The following MME variants were observed in gnomAD, a reference collection of about 807,000 sequenced individuals.
The protein encoded by MME is membrane metalloendopeptidase, also known as neprilysin.
In MME, 98 loss-of-function variants were observed where a neutral mutation model predicts 113.2. The ratio of observed to expected loss-of-function variants is 0.87; its 90% CI spans 0.74 to 1.02. MME has a LOEUF of 1.02. Ranked by LOEUF, MME falls within the 50% of genes least tolerant of loss-of-function variation. The probability of loss-of-function intolerance (pLI) is 0.00; values close to 1 mark genes in which losing one functional copy is unlikely to be tolerated. For synonymous variants in MME, 292 were observed against 300.6 expected (o/e 0.97, Z 0.30); for missense variants, 836 against 896.0 (o/e 0.93, Z 0.86).
At chr3:155,072,095 AGCTTGCAGT>A (rs1020937326) in intron 1 of MME, among the ~76,000 whole-genome samples, 1 of 138,966 alleles carries the variant, frequency 7.2e-6, no homozygotes, top group Non-Finnish European at 1.5e-5. Flanking sequence ...CGGGAAGCGG[AGCTTGCAGT>A]GAGCCGAGAT....
intron 3 of MME, among the ~76,000 whole-genome samples, chr3:155,101,260 C>G (rs958379154): frequency 6.6e-6 from 1 of 152,238 alleles, no homozygotes; most frequent in Non-Finnish European, 1.5e-5. Context: ...ATTACTCAGT[C>G]TCAGGCATTT....
In MME at chr3:155,182,044, GC is replaced by G. The variant is rs781298137; in HGVS notation, c.*1586del. 1.3e-5 allele frequency: 2 copies of G among 152,290 alleles called. No individual in the cohort carries two copies. The highest frequency in any genetic ancestry group is 2.9e-5 in the Non-Finnish European group (2 of 68,020). The allele number at this position is 152,290 out of a possible 1,614,324, so 9.4% of individuals were successfully genotyped here. ...GTAGCCAGCACCTGTAAGAAACAGA[GC>G]AGTACCAGCGCTCTAAAAGCACCTC... On this transcript the variant is annotated 3_prime_UTR_variant, in exon 23 of 23. Transcript: ENST00000360490.
chr3:155,060,775 T>C (rs960183152), intron 1 of MME, among the ~76,000 whole-genome samples: 1 of 151,998 alleles, frequency 6.6e-6, no homozygotes, highest in Admixed American at 6.6e-5. Flanking sequence ...TGAGGGCCCT[T>C]TTTTCCTGTT....
intron 1 of MME, among the ~76,000 whole-genome samples, chr3:155,026,810 T>G (rs1328986892): frequency 6.6e-6 from 1 of 151,958 alleles, no homozygotes; most frequent in African/African-American, 2.4e-5. Context: ...AGTATCTGAG[T>G]GTGATTCTTC....
rs140981242 is a variant in MME, at chr3:155,167,541, C to T, written c.1780+520C>T. 5.8e-3 allele frequency among the ~76,000 whole-genome samples: 880 copies of T among 151,968 alleles called. 12 individuals carry two copies. Among genetic ancestry groups the T allele is most frequent in the African/African-American group, 0.02 (845 of 41,452 alleles). On this transcript the variant is annotated intron_variant, in intron 18 of 22. Transcript: ENST00000360490. ...AAATGGAAAAATCAATTTAGAGTTTCAATCAAAGCTGAATTCCTGAGAGGA... is the reference window on the plus strand; with the variant it reads ...AAATGGAAAAATCAATTTAGAGTTTTAATCAAAGCTGAATTCCTGAGAGGA...
chr3:155,171,245 C>A (rs1294018512), intron 20 of MME, among the ~76,000 whole-genome samples: 1 of 152,154 alleles, frequency 6.6e-6, no homozygotes, highest in Non-Finnish European at 1.5e-5. Context: ...GCCTTGCCCC[C>A]CTGCTAGATT....
At position 155,180,547 on chromosome 3, in the gene MME, G is replaced by A; in HGVS notation, c.*88G>A. ...TCTAATCGAAAGAAAATGGGCCCTA[G>A]GGGTCACTGTACTGACTTGAGGGTG... is the stretch of plus-strand genomic sequence containing the variant. On this transcript the variant is annotated 3_prime_UTR_variant, in exon 23 of 23. Transcript: ENST00000360490. 1 of 938,734 alleles carries A rather than the reference G, an allele frequency of 1.1e-6. No individual in the cohort carries two copies. Among genetic ancestry groups the A allele is most frequent in the Non-Finnish European group, 1.8e-6 (1 of 567,206 alleles). The allele number at this position is 938,734 out of a possible 1,614,324, so 58.2% of individuals were successfully genotyped here.
At chr3:155,133,448 A>T (rs1464779940) in intron 8 of MME, among the ~76,000 whole-genome samples, 2 of 151,656 alleles carry the variant, frequency 1.3e-5, no homozygotes, top group Non-Finnish European at 2.9e-5. Context: ...GCATCATCCA[A>T]AGTTCTTGTG....
intron 1 of MME, among the ~76,000 whole-genome samples, chr3:155,048,122 G>T (rs73874479): frequency 0.053 from 8,074 of 152,138 alleles, 627 homozygotes; most frequent in African/African-American, 0.17. Context: ...GTGCTAATTT[G>T]GTCTGACTTG....
rs1711600690 is a variant in MME, at chr3:155,168,846, C to A, written c.1980+49C>A. 4 of 1,470,688 alleles carry A rather than the reference C, an allele frequency of 2.7e-6. No individual in the cohort carries two copies. In the South Asian group the frequency reaches 3.5e-5, roughly 13 times the overall value. The allele number at this position is 1,470,688 out of a possible 1,614,324, so 91.1% of individuals were successfully genotyped here. A position where few individuals can be genotyped will look rare whatever the true frequency, so the allele number is the denominator to read the frequency against. On this transcript the variant is annotated intron_variant, in intron 20 of 22. Transcript: ENST00000360490. ...CATTTTAGTGATTTAGAGTGTTTCTCATATTTAATAATTCATTTAAAACCT... is the reference window on the plus strand; with the variant it reads ...CATTTTAGTGATTTAGAGTGTTTCTAATATTTAATAATTCATTTAAAACCT...
intron 1 of MME, among the ~76,000 whole-genome samples, chr3:155,025,623 CAA>C (rs565613508): frequency 2.6e-4 from 19 of 73,940 alleles, no homozygotes; most frequent in Admixed American, 4.8e-4. Flanking sequence ...GACCCTGTCT[CAA>C]AAAAAAAAAA....
intron 3 of MME, among the ~76,000 whole-genome samples, chr3:155,094,662 C>T (rs1716578052): frequency 6.6e-6 from 1 of 152,174 alleles, no homozygotes; most frequent in African/African-American, 2.4e-5. Flanking sequence ...TTGCTGTGCT[C>T]TGTCTTAGTA....
intron 17 of MME, among the ~76,000 whole-genome samples, chr3:155,164,117 C>T (rs1323195310): frequency 6.8e-6 from 1 of 147,162 alleles, no homozygotes; most frequent in Non-Finnish European, 1.5e-5. Context: ...GCACTTCAGC[C>T]TGGGTGACAG....
At chr3:155,095,458 A>G (rs1299128852) in intron 3 of MME, among the ~76,000 whole-genome samples, 1 of 152,212 alleles carries the variant, frequency 6.6e-6, no homozygotes, top group African/African-American at 2.4e-5. Context: ...TAATGCAGGC[A>G]TGCTATTTCT....
chr3:155,176,388 T>TTC (rs1712520964), intron 22 of MME, among the ~76,000 whole-genome samples: 1 of 152,206 alleles, frequency 6.6e-6, no homozygotes, highest in Non-Finnish European at 1.5e-5. Context: ...CTTTATTATC[T>TTC]TCTGTTATTA....
chr3:155,080,991 T>C (rs1290043919), intron 1 of MME: 1 of 152,176 alleles, frequency 6.6e-6, no homozygotes, highest in African/African-American at 2.4e-5. Context: ...AGGGGAGTAA[T>C]ATGGTTGGCA....
chr3:155,113,247 G>A (rs749031996), intron 3 of MME, among the ~76,000 whole-genome samples: 10 of 152,056 alleles, frequency 6.6e-5, no homozygotes, highest in African/African-American at 9.7e-5. Flanking sequence ...AGGGTGATAC[G>A]TTTATTCTGG....
At chr3:155,176,712 G>A (rs987098200) in intron 22 of MME, among the ~76,000 whole-genome samples, 1 of 152,116 alleles carries the variant, frequency 6.6e-6, no homozygotes, top group African/African-American at 2.4e-5. Context: ...TGTAGTTCCA[G>A]CTACTTGGGA....
intron 3 of MME, among the ~76,000 whole-genome samples, chr3:155,113,831 A>C (rs1169664124): frequency 6.6e-6 from 1 of 152,206 alleles, no homozygotes; most frequent in African/African-American, 2.4e-5. Context: ...CTATGATAGC[A>C]ACTGTGCTGT....
Sources: allele counts gnomAD v4.1 joint callset (sites outside exome capture counted in the v4.1 genomes callset), GRCh38; gene constraint gnomAD v4.1.1; transcripts MANE v1.5; gene names NCBI Gene and HGNC (gene_info 2026-07-23, HGNC 2026-07-21).